Variants in LCORL observed in about 807,000 individuals in gnomAD.
The protein encoded by LCORL is ligand dependent nuclear receptor corepressor like.
A neutral mutation model predicts 141.8 loss-of-function variants in LCORL; 41 were observed. The observed-to-expected ratio is 0.29, with a 90% CI of 0.23 to 0.38. The LOEUF (loss-of-function observed/expected upper bound fraction) is 0.38. Ranked by LOEUF, LCORL falls within the 10% of genes least tolerant of loss-of-function variation. The pLI is 1.00. For missense variants in LCORL, 1,759 were observed against 2,035.0 expected, an observed-to-expected ratio of 0.86 and a Z score of 2.61; for synonymous variants, 618 against 694.1, an observed-to-expected ratio of 0.89 and a Z score of 1.72.
At chr4:18,012,700 T>C (rs773349380) in intron 1 of LCORL, among the ~76,000 whole-genome samples, 1 of 152,160 alleles carries the variant, frequency 6.6e-6, no homozygotes, top group African/African-American at 2.4e-5. Context: ...ACATGTAGAA[T>C]CCATACTAAG....
chr4:17,934,107 T>C (rs1372844150), intron 4 of LCORL, among the ~76,000 whole-genome samples: 3 of 152,032 alleles, frequency 2.0e-5, no homozygotes, highest in East Asian at 3.9e-4. Context: ...CAGGGATTTT[T>C]AGGGAAGTGA....
chr4:17,842,195 A>C, exon 8 of LCORL: 1 of 797,250 alleles, frequency 1.3e-6, no homozygotes, highest in Non-Finnish European at 2.1e-6. Flanking sequence ...TAGGAGATAC[A>C]TGTGTTGAAA....
intron 7 of LCORL, among the ~76,000 whole-genome samples, chr4:17,869,041 T>C (rs1726019282): frequency 6.9e-6 from 1 of 144,964 alleles, no homozygotes; most frequent in Non-Finnish European, 1.5e-5. Flanking sequence ...TTGTTCCCAC[T>C]ACCTTTTTTT....
At chr4:17,945,761 T>C (rs1241223565) in intron 4 of LCORL, among the ~76,000 whole-genome samples, 1 of 151,892 alleles carries the variant, frequency 6.6e-6, no homozygotes, top group Admixed American at 6.6e-5. Flanking sequence ...ATGCATTATA[T>C]ATAGTGGCTA....
chr4:18,015,087 G>A (rs768742396), intron 1 of LCORL, among the ~76,000 whole-genome samples: 57 of 152,282 alleles, frequency 3.7e-4, no homozygotes, highest in Non-Finnish European at 7.4e-5. Flanking sequence ...GGAATAAAAA[G>A]TTACATAACA....
intron 4 of LCORL, among the ~76,000 whole-genome samples, chr4:17,928,346 AG>A (rs1294110167): frequency 6.6e-6 from 1 of 152,222 alleles, no homozygotes; most frequent in Non-Finnish European, 1.5e-5. Context: ...CAGGCAGGCA[AG>A]GCTGCAATGA....
At chr4:17,941,303 T>A (rs1737915085) in intron 4 of LCORL, among the ~76,000 whole-genome samples, 1 of 151,982 alleles carries the variant, frequency 6.6e-6, no homozygotes, top group South Asian at 2.1e-4. Context: ...ACATATACAC[T>A]ATATGCATAT....
chr4:17,961,765 T>C (rs1337725963), intron 4 of LCORL, 138 bp downstream of exon 4: 4 of 611,462 alleles, frequency 6.5e-6, no homozygotes, highest in Non-Finnish European at 1.1e-5. Context: ...TCCCTAAAAA[T>C]ATAAAGAAAA....
rs115596517 is a variant in LCORL, at chr4:17,991,454, C to T, written c.155-18569G>A. On this transcript the variant is annotated intron_variant, in intron 1 of 7. Transcript: ENST00000635767. ...GAAGCTTTTCTAATCCCAAATGTAG[C>T]TAGAGTCAACTGAGTTCAGAAAACT... Among the ~76,000 whole-genome samples, 1,149 of 152,318 alleles carry T rather than the reference C, an allele frequency of 7.5e-3. 18 individuals are homozygous for T. Among genetic ancestry groups the T allele is most frequent in the African/African-American group, 0.027 (1,110 of 41,562 alleles).
intron 5 of LCORL, chr4:17,893,532 T>A (rs1406586459): frequency 1.0e-6 from 1 of 985,228 alleles, no homozygotes; most frequent in Non-Finnish European, 1.2e-6. Context: ...AGGTAGATAT[T>A]CTTCAGAAAA....
In LCORL at chr4:17,884,893, T is replaced by C; in HGVS notation, c.776+1175A>G. 4.4e-6 allele frequency: 2 copies of C among 455,438 alleles called. No homozygotes were observed. The highest frequency in any genetic ancestry group is 3.8e-5 in the Admixed American group (1 of 26,206). 28.2% of individuals were successfully genotyped at this position (455,438 alleles called of 1,614,324 possible). ...ATGACACTTTTAAGTCTGTGAGATG[T>C]AGTAGTTACTCCTTATCAAAGCAAA... On this transcript the variant is annotated intron_variant, in intron 6 of 7. Coordinates refer to ENST00000635767, the Ensembl canonical transcript of LCORL. The surrounding 1 kb of genome is among the most constrained non-coding windows in gnomAD (Gnocchi z 4.4).
At chr4:17,934,062 C>G (rs1452549893) in intron 4 of LCORL, among the ~76,000 whole-genome samples, 1 of 151,932 alleles carries the variant, frequency 6.6e-6, no homozygotes, top group Non-Finnish European at 1.5e-5. Flanking sequence ...TTCCTAGTAT[C>G]AAGTACTCAG....
chr4:17,889,340 T>C (rs1221889292), intron 5 of LCORL, among the ~76,000 whole-genome samples: 2 of 152,210 alleles, frequency 1.3e-5, no homozygotes, highest in Non-Finnish European at 2.9e-5. Context: ...CTAGGCTATG[T>C]TAAAAGTTTT....
intron 1 of LCORL, among the ~76,000 whole-genome samples, chr4:18,020,245 CA>C (rs1319138275): frequency 6.6e-6 from 1 of 152,000 alleles, no homozygotes; most frequent in Admixed American, 6.6e-5. Context: ...AGACGTTAAC[CA>C]AATACATGGG....
intron 4 of LCORL, among the ~76,000 whole-genome samples, chr4:17,946,716 A>G (rs146440662): frequency 2.2e-3 from 330 of 152,112 alleles, no homozygotes; most frequent in African/African-American, 7.2e-3. Flanking sequence ...TAAATAGCCC[A>G]TAAGTGCAGT....
exon 7 of LCORL, chr4:17,874,275 T>G: frequency 4.1e-6 from 5 of 1,233,968 alleles, no homozygotes; most frequent in Non-Finnish European, 5.1e-6. Flanking sequence ...ATGCAGTATA[T>G]GCAATTTCTC....
At chr4:17,844,368 G>GTTTGT (rs1453648088) in exon 8 of LCORL, 2 of 152,290 alleles carry the variant, frequency 1.3e-5, no homozygotes, top group African/African-American at 2.4e-5. Flanking sequence ...ACATGGATCT[G>GTTTGT]TTTGTTTTAA....
chr4:17,984,902 A>G (rs1577640360), intron 1 of LCORL, among the ~76,000 whole-genome samples: 2 of 152,016 alleles, frequency 1.3e-5, no homozygotes, highest in Non-Finnish European at 2.9e-5. Flanking sequence ...AGTGCTACAA[A>G]TTTCTCTCTT....
rs576682306 is a variant in LCORL at position 17,883,381 on chromosome 4, T to G, written c.776+2687A>C. 5.3e-5 allele frequency: 55 copies of G among 1,039,522 alleles called. No individual in the cohort carries two copies. The East Asian group carries it at 3.7e-3, about 70-fold the overall frequency. The allele number at this position is 1,039,522 out of a possible 1,614,324, so 64.4% of individuals were successfully genotyped here. On this transcript the variant is annotated intron_variant, in intron 6 of 7. Coordinates refer to ENST00000635767, the Ensembl canonical transcript of LCORL. ...ATGGTCTTTCACCAATAAAAATGTT[T>G]CACTTGACAATTACTCGTTTTCCCA...
Sources: allele counts gnomAD v4.1 joint callset (sites outside exome capture counted in the v4.1 genomes callset), GRCh38; gene constraint gnomAD v4.1.1; non-coding constraint Gnocchi (gnomAD v3.1); transcripts MANE v1.5; gene names NCBI Gene and HGNC (gene_info 2026-07-23, HGNC 2026-07-21).